Variants in ABHD13 observed in about 807,000 individuals in gnomAD.
ABHD13 encodes the protein protein ABHD13.
A neutral mutation model predicts 25.2 loss-of-function variants in ABHD13; 7 were observed. That is an observed-to-expected ratio of 0.28 (90% CI 0.16 to 0.52). The LOEUF is 0.52. Ranked by LOEUF, ABHD13 falls within the 20% of genes least tolerant of loss-of-function variation. ABHD13 has a pLI of 0.96. For synonymous variants in ABHD13, 133 were observed against 136.1 expected, an observed-to-expected ratio of 0.98 and a Z score of 0.16; for missense variants, 302 against 402.7, an observed-to-expected ratio of 0.75 and a Z score of 2.14.
At position 108,232,645 on chromosome 13, in the gene ABHD13, A is replaced by G. The variant is rs1447529739; in HGVS notation, c.*2413A>G. 6.0e-6 allele frequency: 1 copy of G among 166,824 alleles called. No individual in the cohort carries two copies. The highest frequency in any genetic ancestry group is 6.6e-5 in the Admixed American group (1 of 15,244). 10.3% of individuals were successfully genotyped at this position (166,824 alleles called of 1,614,324 possible). A position where few individuals can be genotyped will look rare whatever the true frequency, so the allele number is the denominator to read the frequency against. ...GTGTATTAACTTCTGACTTATTTATACAAGAGCAGCTATAGGAGTTTACAA... is the reference window on the plus strand; with the variant it reads ...GTGTATTAACTTCTGACTTATTTATGCAAGAGCAGCTATAGGAGTTTACAA... On this transcript the variant is annotated 3_prime_UTR_variant, in exon 2 of 2. Coordinates refer to ENST00000375898, the MANE Select transcript of ABHD13 (RefSeq NM_032859.3).
chr13:108,229,346 T>A lies in ABHD13; in HGVS notation c.128T>A (p.Ile43Asn), dbSNP rs774701319. 4 of 1,612,800 alleles carry A rather than the reference T, an allele frequency of 2.5e-6. No homozygotes were observed. Among genetic ancestry groups the A allele is most frequent in the Non-Finnish European group, 3.4e-6 (4 of 1,179,210 alleles). Residue 43 changes from isoleucine to asparagine, a missense_variant, in exon 2 of 2, where the codon ATT (isoleucine) becomes AAT (asparagine). Physicochemically the swap from Ile to Asn is moderately radical, Grantham distance 149. Transcript: ENST00000375898. This position sits in a 1 kb window ranked among gnomAD's most constrained non-coding sequence, Gnocchi z 4.7. ...LIVTFHLYGG[I>N]ILLLLIFISI... ...GTGACTTTTCATCTGTATGGAGGCA[T>A]TATCTTACTTTTGTTAATATTCATA...
chr13:108,219,108 G>A (rs1369551023), intron 1 of ABHD13, among the ~76,000 whole-genome samples: 1 of 151,946 alleles, frequency 6.6e-6, no homozygotes, highest in Non-Finnish European at 1.5e-5. Flanking sequence ...GACATGAAAA[G>A]TAAAATAGAA....
intron 1 of ABHD13, among the ~76,000 whole-genome samples, chr13:108,225,267 G>A (rs192944777): frequency 1.3e-5 from 2 of 152,316 alleles, no homozygotes; most frequent in Non-Finnish European, 2.9e-5. Context: ...TCAGGTACGT[G>A]AGGAACAGGT....
In ABHD13 at chr13:108,232,012, T is replaced by A; in HGVS notation, c.*1780T>A. ...TCCTTGCTATGTAGAATGACTATTCTAAATATTAATGTATTAAAAAGAAAA... is the reference window on the plus strand; with the variant it reads ...TCCTTGCTATGTAGAATGACTATTCAAAATATTAATGTATTAAAAAGAAAA... On this transcript the variant is annotated 3_prime_UTR_variant, in exon 2 of 2. Coordinates refer to ENST00000375898, the MANE Select transcript of ABHD13 (RefSeq NM_032859.3). The A allele has an allele frequency of 6.0e-6, 1 of 166,934 alleles. No homozygotes were observed. Among genetic ancestry groups the A allele is most frequent in the East Asian group, 1.9e-4 (1 of 5,192 alleles). The allele number at this position is 166,934 out of a possible 1,614,324, so 10.3% of individuals were successfully genotyped here. A position where few individuals can be genotyped will look rare whatever the true frequency, so the allele number is the denominator to read the frequency against.
In ABHD13 at chr13:108,232,507, T is replaced by C. The variant is rs1236488396; in HGVS notation, c.*2275T>C. ...CCCATGGCATCATTTTTGAAAATAT[T>C]TCTAGTTTTGTAGCCAAAGCAATTG... is the stretch of plus-strand genomic sequence containing the variant. On this transcript the variant is annotated 3_prime_UTR_variant, in exon 2 of 2. Transcript: ENST00000375898. 1.2e-5 allele frequency: 2 copies of C among 166,894 alleles called. No individual in the cohort carries two copies. Among genetic ancestry groups the C allele is most frequent in the East Asian group, 3.9e-4 (2 of 5,194 alleles). 10.3% of individuals were successfully genotyped at this position (166,894 alleles called of 1,614,324 possible). A position where few individuals can be genotyped will look rare whatever the true frequency, so the allele number is the denominator to read the frequency against.
chr13:108,226,984 C>T (rs987932522), intron 1 of ABHD13, among the ~76,000 whole-genome samples: 1 of 152,064 alleles, frequency 6.6e-6, no homozygotes, highest in African/African-American at 2.4e-5. Flanking sequence ...TACCCACGCA[C>T]TCCGCCACCC....
At position 108,234,110 on chromosome 13, in the gene ABHD13, A is replaced by C. The variant is rs1879872371; in HGVS notation, c.*3878A>C. 1 of 166,948 alleles carries C rather than the reference A, an allele frequency of 6.0e-6. No individual in the cohort carries two copies. The highest frequency in any genetic ancestry group is 6.5e-5 in the Admixed American group (1 of 15,272). The allele number at this position is 166,948 out of a possible 1,614,324, so 10.3% of individuals were successfully genotyped here. A position where few individuals can be genotyped will look rare whatever the true frequency, so the allele number is the denominator to read the frequency against. On this transcript the variant is annotated 3_prime_UTR_variant, in exon 2 of 2. Transcript: ENST00000375898. ...ATAAAATTTTATAACTCAAATTTGA[A>C]TGTCATAGTACATTGTGTGCTAACC...
At position 108,218,545 on chromosome 13, in the gene ABHD13, GC is replaced by G; in HGVS notation, c.-131del. ...GGGCTAGACCGTGGCGCCGGCAGCG[GC>G]CCCTGGGCTGGAGGAGGATGATGAG... On this transcript the variant is annotated 5_prime_UTR_variant, in exon 1 of 2. An upstream open reading frame in the 5' UTR loses its in-frame stop. Transcript: ENST00000375898. The G allele has an allele frequency of 6.6e-6, 1 of 152,168 alleles. No individual in the cohort carries two copies. The highest frequency in any genetic ancestry group is 1.5e-5 in the Non-Finnish European group (1 of 67,984). The allele number at this position is 152,168 out of a possible 1,614,324, so 9.4% of individuals were successfully genotyped here.
intron 1 of ABHD13, among the ~76,000 whole-genome samples, chr13:108,226,507 G>T (rs1290885406): frequency 6.6e-6 from 1 of 152,050 alleles, no homozygotes; most frequent in Non-Finnish European, 1.5e-5. Context: ...ACCTTTATCA[G>T]GTTTCCAGGG....
intron 1 of ABHD13, among the ~76,000 whole-genome samples, chr13:108,228,661 G>A (rs978700366): frequency 6.6e-6 from 1 of 151,024 alleles, no homozygotes; most frequent in East Asian, 1.9e-4. Context: ...GCTACCGTAT[G>A]TGAAAAAAAT....
intron 1 of ABHD13, among the ~76,000 whole-genome samples, chr13:108,220,526 T>G (rs1410824469): frequency 2.0e-5 from 3 of 152,234 alleles, no homozygotes; most frequent in Non-Finnish European, 4.4e-5. Flanking sequence ...TTAAGACCTT[T>G]AAATAGCCTT....
In ABHD13 at chr13:108,229,568, T is replaced by C; in HGVS notation, c.350T>C (p.Ile117Thr). 6.2e-7 allele frequency: 1 copy of C among 1,613,318 alleles called. No homozygotes were observed. The highest frequency in any genetic ancestry group is 1.7e-5 in the Admixed American group (1 of 59,866). The change falls in exon 2 of 2, where the codon ATA (isoleucine) becomes ACA (threonine). Residue 117 changes from isoleucine to threonine, a missense_variant. Ile to Thr is a moderately conservative substitution (Grantham distance 89, BLOSUM62 -1). Transcript: ENST00000375898. The surrounding 1 kb of genome is among the most constrained non-coding windows in gnomAD (Gnocchi z 4.7). ...GACAATTCACCCTATTCCCCAACTA[T>C]AATTTATTTTCATGGGAATGCAGGC... Reference protein sequence around the residue: ...TGDNSPYSPTIIYFHGNAGNI... With the variant: ...TGDNSPYSPTTIYFHGNAGNI...
intron 1 of ABHD13, among the ~76,000 whole-genome samples, chr13:108,220,424 A>T (rs1879543151): frequency 6.6e-6 from 1 of 152,204 alleles, no homozygotes; most frequent in Non-Finnish European, 1.5e-5. Flanking sequence ...CTCATAACTT[A>T]TCTCAGGGGA....
rs1879586621 is a variant in ABHD13, at chr13:108,222,352, T to C, written c.-21+3693T>C. ...TTCAGTTCTTGATATATATAAGTTT[T>C]TATTTATTTTTAGTTTTTGGAGAAA... On this transcript the variant is annotated intron_variant, in intron 1 of 1. Coordinates refer to ENST00000375898, the MANE Select transcript of ABHD13 (RefSeq NM_032859.3). Among the ~76,000 whole-genome samples the C allele has an allele frequency of 2.6e-5, 4 of 152,090 alleles. No homozygotes were observed. The South Asian group carries it at 8.3e-4, about 31-fold the overall frequency.
rs1459174984 is a variant in ABHD13 at position 108,229,207 on chromosome 13, C to A, written c.-12C>A. ...TCCCTCTCTCTCTCTAGGATACTTA[C>A]AGAGAGCTACAATGGAAAAGTCCTG... On this transcript the variant is annotated 5_prime_UTR_variant, in exon 2 of 2. Coordinates refer to ENST00000375898, the MANE Select transcript of ABHD13 (RefSeq NM_032859.3). This position sits in a 1 kb window ranked among gnomAD's most constrained non-coding sequence, Gnocchi z 4.7. 4 of 1,529,862 alleles carry A rather than the reference C, an allele frequency of 2.6e-6. No individual in the cohort carries two copies. Among genetic ancestry groups the A allele is most frequent in the African/African-American group, 2.8e-5 (2 of 71,728 alleles). The allele number at this position is 1,529,862 out of a possible 1,614,324, so 94.8% of individuals were successfully genotyped here.
rs1382748553 is a variant in ABHD13 at position 108,233,768 on chromosome 13, A to G, written c.*3536A>G. The G allele has an allele frequency of 6.0e-6, 1 of 166,888 alleles. No individual in the cohort carries two copies. Among genetic ancestry groups the G allele is most frequent in the Non-Finnish European group, 1.5e-5 (1 of 67,952 alleles). 10.3% of individuals were successfully genotyped at this position (166,888 alleles called of 1,614,324 possible). On this transcript the variant is annotated 3_prime_UTR_variant, in exon 2 of 2. Coordinates refer to ENST00000375898, the MANE Select transcript of ABHD13 (RefSeq NM_032859.3). Reference sequence around the variant, plus strand: ...AATATATTCATTTGTATGGCAAGATAAATGCAGTCATCTTAATACTAGTCT... The same window carrying G: ...AATATATTCATTTGTATGGCAAGATGAATGCAGTCATCTTAATACTAGTCT...
chr13:108,218,996 C>G (rs192575480), intron 1 of ABHD13, among the ~76,000 whole-genome samples: 1 of 152,110 alleles, frequency 6.6e-6, no homozygotes. Context: ...TAATTGGAAC[C>G]TAAAACGTAT....
rs776149998 is a variant in ABHD13 at position 108,232,948 on chromosome 13, TAATG to T, written c.*2720_*2723del. On this transcript the variant is annotated 3_prime_UTR_variant, in exon 2 of 2. Transcript: ENST00000375898. ...AGTTTTTAAATTTAGATGTAGAAAATAATGAATTAATGAGATTGGTGAAAGGAAA... is the reference window on the plus strand; with the variant it reads ...AGTTTTTAAATTTAGATGTAGAAAATAATTAATGAGATTGGTGAAAGGAAA... 1.5e-4 allele frequency: 25 copies of T among 166,924 alleles called. No individual in the cohort carries two copies. Among genetic ancestry groups the T allele is most frequent in the Admixed American group, 5.2e-4 (8 of 15,264 alleles). 10.3% of individuals were successfully genotyped at this position (166,924 alleles called of 1,614,324 possible). A position where few individuals can be genotyped will look rare whatever the true frequency, so the allele number is the denominator to read the frequency against.
chr13:108,224,812 G>T (rs1292622907), intron 1 of ABHD13, among the ~76,000 whole-genome samples: 2 of 152,194 alleles, frequency 1.3e-5, no homozygotes, highest in Non-Finnish European at 2.9e-5. Context: ...TCCTCAAGAT[G>T]AGCACCATAT....
Sources: gnomAD v4.1 joint callset for allele counts (sites outside exome capture counted in the v4.1 genomes callset) on GRCh38, gnomAD v4.1.1 for gene constraint, Gnocchi (gnomAD v3.1) non-coding constraint, MANE v1.5 for transcripts, NCBI Gene and HGNC (gene_info 2026-07-23, HGNC 2026-07-21) for gene names.